The following ZNF280C variants were observed in gnomAD, a reference collection of about 807,000 sequenced individuals.
ZNF280C encodes suppressor of hairy wing homolog 3.
A neutral mutation model predicts 53.6 loss-of-function variants in ZNF280C; 14 were observed. The ratio of observed to expected loss-of-function variants is 0.26; its 90% CI spans 0.17 to 0.41. The LOEUF is 0.41. Ranked by LOEUF, ZNF280C falls within the 10% of genes least tolerant of loss-of-function variation. The probability of loss-of-function intolerance (pLI) is 1.00; values close to 1 mark genes in which losing one functional copy is unlikely to be tolerated. For missense variants in ZNF280C, 416 were observed against 547.1 expected (o/e 0.76, Z 2.39); for synonymous variants, 203 against 181.1 (o/e 1.12, Z -0.97).
At position 130,205,520 on chromosome X, in the gene ZNF280C, C is replaced by T. The variant is rs1386580471; in HGVS notation, c.2043-105G>A. On this transcript the variant is annotated intron_variant, in intron 16 of 18. Coordinates refer to ENST00000370978, the MANE Select transcript of ZNF280C (RefSeq NM_017666.5). ...GTACTAACTTGATTTGCATTTTAGT[C>T]TCCACAACCGTCATTTTCCAATTTT... 20 of 508,741 alleles carry T rather than the reference C, an allele frequency of 3.9e-5. No homozygotes were observed. The Admixed American group carries it at 7.6e-4, about 19-fold the overall frequency. 41.9% of individuals were successfully genotyped at this position (508,741 alleles called of 1,213,427 possible).
chrX:130,231,491 T>C (rs1476948615), intron 8 of ZNF280C, among the ~76,000 whole-genome samples: 1 of 111,919 alleles, frequency 8.9e-6, no homozygotes, highest in Non-Finnish European at 1.9e-5. Flanking sequence ...TTCTCACTTA[T>C]AAGTGGAAGC....
intron 15 of ZNF280C, 144 bp from the exon 16 acceptor site, chrX:130,209,859 A>G (rs1176338683): frequency 9.4e-6 from 5 of 531,676 alleles, no homozygotes; most frequent in African/African-American, 2.4e-5. Flanking sequence ...CTGTTGGTTA[A>G]AGCTATAATC....
chrX:130,211,503 C>G (rs2032040464), intron 15 of ZNF280C, among the ~76,000 whole-genome samples: 1 of 111,832 alleles, frequency 8.9e-6, no homozygotes, highest in African/African-American at 3.3e-5. Context: ...ATACAGAACT[C>G]AAACCTATGA....
At chrX:130,225,236 T>C (rs780109393) in intron 12 of ZNF280C, among the ~76,000 whole-genome samples, 3 of 111,050 alleles carry the variant, frequency 2.7e-5, no homozygotes, top group Non-Finnish European at 5.7e-5. Flanking sequence ...AAGAATTATG[T>C]TAAAAAACCC....
intron 2 of ZNF280C, among the ~76,000 whole-genome samples, chrX:130,255,503 G>A (rs1218390728): frequency 1.8e-5 from 2 of 108,993 alleles, no homozygotes; most frequent in African/African-American, 6.6e-5. Context: ...AAAAAAGAGA[G>A]AGAAAAAGGA....
Position 130,204,974 on chromosome X carries a change from A to C in ZNF280C, c.*3T>G. 1 of 1,083,519 alleles carries C rather than the reference A, an allele frequency of 9.2e-7. No homozygotes were observed. Among genetic ancestry groups the C allele is most frequent in the Non-Finnish European group, 1.2e-6 (1 of 833,176 alleles). 89.3% of individuals were successfully genotyped at this position (1,083,519 alleles called of 1,213,427 possible). A position where few individuals can be genotyped will look rare whatever the true frequency, so the allele number is the denominator to read the frequency against. ...GGTTGCATGAACTCCATGGAGCAGG[A>C]ATCTATTTCAATGAGCAGCTTTAAG... On this transcript the variant is annotated 3_prime_UTR_variant, in exon 19 of 19. Transcript: ENST00000370978.
Position 130,243,869 on chromosome X carries a change from T to C in ZNF280C, c.179-4A>G. The C allele has an allele frequency of 3.7e-6, 4 of 1,081,587 alleles. No individual in the cohort carries two copies. The highest frequency in any genetic ancestry group is 2.3e-5 in the South Asian group (1 of 42,757). 89.1% of individuals were successfully genotyped at this position (1,081,587 alleles called of 1,213,427 possible). ...GAGTGGCCTCTGTTCAAAATATCTA[T>C]AAAATTATATTTATTTTAAAATTTG... On this transcript the variant is annotated splice_polypyrimidine_tract_variant and splice_region_variant and intron_variant, in intron 3 of 18. Coordinates refer to ENST00000370978, the MANE Select transcript of ZNF280C (RefSeq NM_017666.5).
chrX:130,264,156 G>A (rs2032663530), intron 1 of ZNF280C, among the ~76,000 whole-genome samples: 1 of 111,402 alleles, frequency 9.0e-6, no homozygotes, highest in Admixed American at 9.6e-5. Context: ...AGATAGCAAA[G>A]CTGTACGATT....
chrX:130,209,629 G>GA lies in ZNF280C; in HGVS notation c.2042+23dup, dbSNP rs762531839. On this transcript the variant is annotated intron_variant, in intron 16 of 18. Coordinates refer to ENST00000370978, the MANE Select transcript of ZNF280C (RefSeq NM_017666.5). ...AGTTACTGCAATATTTCAATTGAAA[G>GA]AAAAAAAAAAGATCAATGATTACCT... 3,398 of 1,014,157 alleles carry GA rather than the reference G, an allele frequency of 3.4e-3. 1 individual carries two copies. The highest frequency in any genetic ancestry group is 3.7e-3 in the East Asian group (106 of 28,343). The allele number at this position is 1,014,157 out of a possible 1,213,427, so 83.6% of individuals were successfully genotyped here. A position where few individuals can be genotyped will look rare whatever the true frequency, so the allele number is the denominator to read the frequency against.
intron 13 of ZNF280C, among the ~76,000 whole-genome samples, 178 bp from the exon 14 acceptor site, chrX:130,216,279 C>A (rs1245778701): frequency 9.0e-6 from 1 of 111,372 alleles, no homozygotes; most frequent in Non-Finnish European, 1.9e-5. Flanking sequence ...TATCCATGTG[C>A]AAAAGAATGA....
intron 13 of ZNF280C, among the ~76,000 whole-genome samples, chrX:130,219,378 T>C (rs773115416): frequency 9.4e-6 from 1 of 106,554 alleles, no homozygotes. Flanking sequence ...TCCCAACTAC[T>C]TGGGAGACTG....
intron 5 of ZNF280C, among the ~76,000 whole-genome samples, chrX:130,241,132 T>A (rs1202880250): frequency 9.0e-6 from 1 of 111,696 alleles, no homozygotes; most frequent in Non-Finnish European, 1.9e-5. Context: ...TTAAGCTATA[T>A]CTTTAAAAGA....
chrX:130,263,520 AAGTAG>A (rs1480129604), intron 1 of ZNF280C, among the ~76,000 whole-genome samples: 3 of 111,989 alleles, frequency 2.7e-5, no homozygotes, highest in East Asian at 2.8e-4. Flanking sequence ...CATAGACAGA[AAGTAG>A]AGTAGAGGCT....
intron 2 of ZNF280C, among the ~76,000 whole-genome samples, chrX:130,259,860 G>C (rs1321959832): frequency 8.1e-5 from 9 of 110,959 alleles, no homozygotes; most frequent in African/African-American, 2.9e-4. Context: ...CATGGTGGCG[G>C]GTGCCTGTAA....
intron 2 of ZNF280C, among the ~76,000 whole-genome samples, chrX:130,247,531 A>C: frequency 8.9e-6 from 1 of 111,848 alleles, no homozygotes; most frequent in Non-Finnish European, 1.9e-5. Context: ...GTAGCAAAAG[A>C]AATGAGCTCA....
At chrX:130,242,238 G>A (rs769527576) in intron 5 of ZNF280C, among the ~76,000 whole-genome samples, 5 of 109,343 alleles carry the variant, frequency 4.6e-5, no homozygotes, top group Admixed American at 2.0e-4. Flanking sequence ...GCAAGACACC[G>A]TCTCAAAAAA....
intron 12 of ZNF280C, among the ~76,000 whole-genome samples, chrX:130,224,377 A>G (rs1039736185): frequency 9.0e-6 from 1 of 111,602 alleles, no homozygotes; most frequent in Non-Finnish European, 1.9e-5. Context: ...TAAGCTTCCC[A>G]GTCAATGGTA....
At position 130,262,622 on chromosome X, in the gene ZNF280C, G is replaced by C. The variant is rs1002516744; in HGVS notation, c.-16-2157C>G. Among the ~76,000 whole-genome samples, 7 of 111,587 alleles carry C rather than the reference G, an allele frequency of 6.3e-5. No homozygotes were observed. In the Admixed American group the frequency reaches 6.7e-4, roughly 11 times the overall value. On this transcript the variant is annotated intron_variant, in intron 1 of 18. Coordinates refer to ENST00000370978, the MANE Select transcript of ZNF280C (RefSeq NM_017666.5). ...GGGCATCTTAAGAGCTCCTATAATA[G>C]CAACTCCAGAGGGTCTCTAGGTTCT...
Position 130,213,457 on chromosome X carries a change from G to T in ZNF280C, c.1979+1736C>A, listed in dbSNP as rs752381458. Among the ~76,000 whole-genome samples the T allele has an allele frequency of 7.1e-5, 8 of 112,340 alleles. No individual in the cohort carries two copies. The East Asian group carries it at 2.2e-3, about 31-fold the overall frequency. On this transcript the variant is annotated intron_variant, in intron 15 of 18. Coordinates refer to ENST00000370978, the MANE Select transcript of ZNF280C (RefSeq NM_017666.5). Reference sequence around the variant, plus strand: ...AAAGATCATGAATTCAGAGCTGATTGAATCAAGCATGGTGTGGTAGTCTAG... The same window carrying T: ...AAAGATCATGAATTCAGAGCTGATTTAATCAAGCATGGTGTGGTAGTCTAG...
Sources: allele counts gnomAD v4.1 joint callset (sites outside exome capture counted in the v4.1 genomes callset), GRCh38; gene constraint gnomAD v4.1.1; transcripts MANE v1.5; gene names NCBI Gene and HGNC (gene_info 2026-07-23, HGNC 2026-07-21).